The following TGM6 variants were observed in gnomAD, a reference collection of about 807,000 sequenced individuals.
The protein encoded by TGM6 is transglutaminase 6.
TGM6 carries 74 observed loss-of-function variants against 77.5 expected under a neutral mutation model. That is an observed-to-expected ratio of 0.96 (90% CI 0.79 to 1.16). The LOEUF (loss-of-function observed/expected upper bound fraction) is 1.16, where lower values mean the gene tolerates loss of function less well. Among genes scored for constraint, TGM6 ranks in the 50% most tolerant of loss-of-function variants. TGM6 has a pLI of 0.00. For missense variants in TGM6, 968 were observed against 940.2 expected (o/e 1.03, Z -0.39); for synonymous variants, 383 against 378.9 (o/e 1.01, Z -0.12).
At chr20:2,411,456 T>TAAAA (rs72545468) in intron 9 of TGM6, among the ~76,000 whole-genome samples, 1 of 150,872 alleles carries the variant, frequency 6.6e-6, no homozygotes, top group Non-Finnish European at 1.5e-5. Flanking sequence ...CCCTTTATGA[T>TAAAA]AAAAAAAAAC....
chr20:2,385,854 C>A (rs896465810), intron 1 of TGM6, among the ~76,000 whole-genome samples: 2 of 152,162 alleles, frequency 1.3e-5, no homozygotes, highest in Non-Finnish European at 2.9e-5. Context: ...GCCCTGGGCC[C>A]TTAACCAGGT....
chr20:2,432,336 C>T (rs2084928865), intron 12 of TGM6, among the ~76,000 whole-genome samples, 154 bp from the exon 13 acceptor site: 2 of 152,136 alleles, frequency 1.3e-5, no homozygotes, highest in African/African-American at 4.8e-5. Context: ...GAGTGAGCCA[C>T]CGCACCTGGC....
intron 10 of TGM6, among the ~76,000 whole-genome samples, chr20:2,425,019 T>G (rs8115012): frequency 0.22 from 33,914 of 151,954 alleles, 3,978 homozygotes; most frequent in South Asian, 0.3. Context: ...TAACAAACAG[T>G]TACAATAGTA....
chr20:2,401,206 T>C (rs1264343404), intron 7 of TGM6, among the ~76,000 whole-genome samples: 1 of 36,446 alleles, frequency 2.7e-5, no homozygotes, highest in East Asian at 7.9e-4. Context: ...AGACTTCGTC[T>C]CAAAAAAAAA....
At chr20:2,422,874 C>T (rs1440856179) in intron 10 of TGM6, among the ~76,000 whole-genome samples, 2 of 149,972 alleles carry the variant, frequency 1.3e-5, no homozygotes, top group East Asian at 2.0e-4. Flanking sequence ...CACTTGAGCC[C>T]GGGAGTTCAA....
chr20:2,417,097 C>A, intron 9 of TGM6, 135 bp from the exon 10 acceptor site: 1 of 766,936 alleles, frequency 1.3e-6, no homozygotes, highest in Non-Finnish European at 2.1e-6. Context: ...ACTTTATTTA[C>A]ATAGAGAATC....
At chr20:2,382,354 G>C (rs993237632) in intron 1 of TGM6, among the ~76,000 whole-genome samples, 3 of 152,210 alleles carry the variant, frequency 2.0e-5, no homozygotes, top group Admixed American at 2.0e-4. Context: ...CCCTGGTGCA[G>C]AGGGGATTGC....
At chr20:2,396,347 G>T (rs985839459) in intron 3 of TGM6, among the ~76,000 whole-genome samples, 159 bp from the exon 4 acceptor site, 2 of 152,114 alleles carry the variant, frequency 1.3e-5, no homozygotes, top group Non-Finnish European at 2.9e-5. Context: ...ATGGAGTTTG[G>T]CAGGGAGGCA....
At chr20:2,395,498 C>T in intron 3 of TGM6, 62 bp downstream of exon 3, 1 of 1,613,580 alleles carries the variant, frequency 6.2e-7, no homozygotes, top group Non-Finnish European at 8.5e-7. Flanking sequence ...GGAGAGCCTG[C>T]CCTTGGAGGG....
chr20:2,403,631 G>A lies in TGM6; in HGVS notation c.1144G>A (p.Val382Met). ...AGTCACCGCCATCCGCGAGGGTGAT[G>A]TGCACCTGGCTCACGATGGCCCCTT... ...ASVTAIREGD[V>M]HLAHDGPFVF... is the part of the protein sequence containing the mutation. The change falls in exon 9 of 13, where the codon GTG becomes ATG. Residue 382 changes from valine to methionine, a missense_variant. Transcript: ENST00000202625. 6.2e-7 allele frequency: 1 copy of A among 1,614,186 alleles called. No homozygotes were observed. The highest frequency in any genetic ancestry group is 8.5e-7 in the Non-Finnish European group (1 of 1,180,038).
intron 9 of TGM6, among the ~76,000 whole-genome samples, chr20:2,414,404 A>G (rs1393566960): frequency 6.6e-6 from 1 of 152,206 alleles, no homozygotes; most frequent in Non-Finnish European, 1.5e-5. Flanking sequence ...CATCAAAAAG[A>G]TAGACAATTA....
intron 10 of TGM6, among the ~76,000 whole-genome samples, chr20:2,429,223 T>A (rs2084907836): frequency 6.6e-6 from 1 of 152,140 alleles, no homozygotes; most frequent in Non-Finnish European, 1.5e-5. Flanking sequence ...CTTTAACACA[T>A]GAATCACCCT....
intron 5 of TGM6, among the ~76,000 whole-genome samples, chr20:2,398,348 G>T (rs183641797): frequency 3.6e-4 from 55 of 152,274 alleles, no homozygotes; most frequent in African/African-American, 1.2e-3. Context: ...CTGGGGCTTT[G>T]GTTCTGGTGG....
intron 1 of TGM6, among the ~76,000 whole-genome samples, chr20:2,387,938 G>T (rs6137852): frequency 1.3e-5 from 2 of 152,136 alleles, no homozygotes; most frequent in Non-Finnish European, 2.9e-5. Context: ...GCCTTGGTTC[G>T]TCTCCAGGTG....
chr20:2,400,118 G>A (rs2084695998), intron 6 of TGM6, among the ~76,000 whole-genome samples, 188 bp from the exon 7 acceptor site: 1 of 152,234 alleles, frequency 6.6e-6, no homozygotes, highest in Non-Finnish European at 1.5e-5. Flanking sequence ...AGAACGTGCA[G>A]GAGATGGTGG....
chr20:2,428,371 C>T (rs1816125904), intron 10 of TGM6, among the ~76,000 whole-genome samples: 1 of 152,112 alleles, frequency 6.6e-6, no homozygotes. Context: ...TTTTAAAGGG[C>T]TACTTTTCTC....
At chr20:2,427,839 T>C (rs772360854) in intron 10 of TGM6, among the ~76,000 whole-genome samples, 16 of 152,192 alleles carry the variant, frequency 1.1e-4, no homozygotes, top group Non-Finnish European at 2.1e-4. Context: ...CACTGTAGCC[T>C]CAACTTCCCA....
chr20:2,426,102 C>A (rs1037345549), intron 10 of TGM6, among the ~76,000 whole-genome samples: 2 of 152,152 alleles, frequency 1.3e-5, no homozygotes, highest in Non-Finnish European at 2.9e-5. Context: ...GAAAAATTGA[C>A]ATTTTGACAA....
At position 2,397,983 on chromosome 20, in the gene TGM6, C is replaced by A. The variant is rs977658956; in HGVS notation, c.609C>A (p.Asn203Lys). Residue 203 changes from asparagine to lysine, a missense_variant, in exon 5 of 13, where the codon AAC (asparagine) becomes AAA (lysine). Transcript: ENST00000202625. ...ATCGAAGCCCCGGTCACCAAAACAACCCAGCCACCGACGTGTCCTGCCGCC... is the reference window on the plus strand; with the variant it reads ...ATCGAAGCCCCGGTCACCAAAACAAACCAGCCACCGACGTGTCCTGCCGCC... ...ILDRSPGHQN[N>K]PATDVSCRHN... 3 of 1,614,010 alleles carry A rather than the reference C, an allele frequency of 1.9e-6. No individual in the cohort carries two copies. In the African/African-American group the frequency reaches 4.0e-5, roughly 22 times the overall value.
Sources: gnomAD v4.1 joint callset for allele counts (sites outside exome capture counted in the v4.1 genomes callset) on GRCh38, gnomAD v4.1.1 for gene constraint, MANE v1.5 for transcripts, NCBI Gene and HGNC (gene_info 2026-07-23, HGNC 2026-07-21) for gene names.